HSPA4: variants seen among roughly 807,000 people sequenced by gnomAD.
HSPA4 encodes heat shock 70 kDa protein 4.
HSPA4 carries 25 observed loss-of-function variants against 106.2 expected under a neutral mutation model. The observed-to-expected ratio is 0.24, with a 90% CI of 0.17 to 0.33. HSPA4 has a LOEUF of 0.33. Among genes scored for constraint, HSPA4 ranks in the 10% least tolerant of loss-of-function variants. The pLI, the probability that HSPA4 is intolerant of heterozygous loss-of-function variation, is 1.00. For synonymous variants in HSPA4, 332 were observed against 333.6 expected (o/e 1.00, Z 0.05); for missense variants, 841 against 996.0 (o/e 0.84, Z 2.10).
intron 7 of HSPA4, among the ~76,000 whole-genome samples, chr5:133,081,478 T>C (rs945243528): frequency 5.3e-5 from 8 of 152,214 alleles, no homozygotes; most frequent in Non-Finnish European, 7.3e-5. Context: ...CTTTTTTCTT[T>C]GAAGATAACT....
intron 16 of HSPA4, 69 bp downstream of exon 16, chr5:133,099,721 G>A: frequency 2.8e-6 from 2 of 723,370 alleles, no homozygotes; most frequent in South Asian, 3.9e-5. Context: ...GCTCAAATTT[G>A]GGAGGAATTC....
chr5:133,089,407 A>G (rs1048563314), intron 10 of HSPA4, among the ~76,000 whole-genome samples, 155 bp from the exon 11 acceptor site: 3 of 152,224 alleles, frequency 2.0e-5, no homozygotes, highest in African/African-American at 7.2e-5. Flanking sequence ...CTGACTTTAT[A>G]TATAAAGATT....
chr5:133,085,032 C>T (rs1015958114), intron 7 of HSPA4, among the ~76,000 whole-genome samples: 1 of 152,054 alleles, frequency 6.6e-6, no homozygotes, highest in Admixed American at 6.6e-5. Flanking sequence ...TGGTCTTGAA[C>T]TCCTGGGCTC....
At chr5:133,067,627 G>A (rs1009191889) in intron 3 of HSPA4, 70 bp downstream of exon 3, 1 of 1,267,948 alleles carries the variant, frequency 7.9e-7, no homozygotes, top group Non-Finnish European at 1.1e-6. Context: ...ATATCTATCT[G>A]TACTTTTCTG....
At chr5:133,056,429 A>G (rs1378401607) in intron 1 of HSPA4, among the ~76,000 whole-genome samples, 1 of 152,146 alleles carries the variant, frequency 6.6e-6, no homozygotes, top group African/African-American at 2.4e-5. Context: ...ATGTGCATAC[A>G]TGCGGCTAAT....
At chr5:133,059,670 T>A (rs1022461999) in intron 1 of HSPA4, among the ~76,000 whole-genome samples, 5 of 152,086 alleles carry the variant, frequency 3.3e-5, no homozygotes, top group African/African-American at 4.8e-5. Context: ...AGTCTGATGG[T>A]CCTAATTTTG....
chr5:133,056,467 C>G (rs371367977), intron 1 of HSPA4, among the ~76,000 whole-genome samples: 3 of 152,128 alleles, frequency 2.0e-5, no homozygotes, highest in East Asian at 1.9e-4. Flanking sequence ...GACGTGGTTT[C>G]GCCATGTTGG....
At chr5:133,094,361 A>T (rs1170218700) in intron 13 of HSPA4, among the ~76,000 whole-genome samples, 1 of 152,204 alleles carries the variant, frequency 6.6e-6, no homozygotes, top group Non-Finnish European at 1.5e-5. Flanking sequence ...CATTTAAAAA[A>T]GTTGGACAGA....
At chr5:133,088,950 TAAAA>T in intron 9 of HSPA4, 101 bp from the exon 10 acceptor site, 1 of 566,524 alleles carries the variant, frequency 1.8e-6, no homozygotes, top group Admixed American at 3.4e-5. Context: ...ATAAATATTT[TAAAA>T]AGACCATTGA....
chr5:133,057,945 CTG>C (rs1765188372), intron 1 of HSPA4, among the ~76,000 whole-genome samples: 2 of 152,280 alleles, frequency 1.3e-5, no homozygotes, highest in African/African-American at 4.8e-5. Context: ...ATGGACAAGG[CTG>C]TGTGATACAG....
At chr5:133,058,495 C>T (rs981925412) in intron 1 of HSPA4, among the ~76,000 whole-genome samples, 5 of 148,584 alleles carry the variant, frequency 3.4e-5, no homozygotes, top group African/African-American at 7.4e-5. Context: ...CTGGCCAACC[C>T]GGTGAAACCT....
At chr5:133,072,572 T>A (rs1424822364) in intron 4 of HSPA4, among the ~76,000 whole-genome samples, 1 of 150,416 alleles carries the variant, frequency 6.6e-6, no homozygotes, top group African/African-American at 2.4e-5. Flanking sequence ...ATTTTTTTTT[T>A]TTTTTTGTAT....
At chr5:133,069,609 G>A (rs1343382211) in intron 3 of HSPA4, among the ~76,000 whole-genome samples, 1 of 152,150 alleles carries the variant, frequency 6.6e-6, no homozygotes, top group East Asian at 1.9e-4. Flanking sequence ...TCTAGGTGCT[G>A]GAGCTATGGC....
chr5:133,060,651 C>T (rs1227198068), intron 1 of HSPA4, among the ~76,000 whole-genome samples: 3 of 152,094 alleles, frequency 2.0e-5, no homozygotes, highest in Non-Finnish European at 4.4e-5. Flanking sequence ...CCTGAGCCAG[C>T]GCGCCTGGTG....
rs749214695 is a variant in HSPA4, at chr5:133,104,273, A to G, written c.2360A>G (p.Lys787Arg). 20 of 1,614,212 alleles carry G rather than the reference A, an allele frequency of 1.2e-5. No homozygotes were observed. Among genetic ancestry groups the G allele is most frequent in the Middle Eastern group, 3.3e-4 (2 of 6,062 alleles). ...STCSPIISKP[K>R]PKVEPPKEEQ... The stretch of plus-strand genomic sequence containing the variant: ...TGTAGCCCTATAATTTCAAAGCCCA[A>G]ACCCAAAGTGGAACCTCCAAAAGAG... Residue 787 changes from lysine (K) to arginine (R), a missense_variant, in exon 19 of 19, where the codon AAA (lysine) becomes AGA (arginine). Lys to Arg is a conservative substitution (Grantham distance 26, BLOSUM62 2). Around this residue, in one of 5 missense-constraint regions of HSPA4, gnomAD observed 328 missense variants for 372.2 expected, o/e 0.88. Transcript: ENST00000304858.
intron 6 of HSPA4, among the ~76,000 whole-genome samples, chr5:133,075,142 G>A (rs1321986813): frequency 6.6e-6 from 1 of 152,062 alleles, no homozygotes; most frequent in African/African-American, 2.4e-5. Context: ...AGGTGGTTTT[G>A]TTTTTAAATA....
chr5:133,063,670 T>C (rs1359418538), intron 1 of HSPA4, among the ~76,000 whole-genome samples: 1 of 152,140 alleles, frequency 6.6e-6, no homozygotes, highest in South Asian at 2.1e-4. Context: ...AGACCTCAGG[T>C]GATCTGCCCG....
At chr5:133,090,714 C>G (rs1027001736) in intron 11 of HSPA4, among the ~76,000 whole-genome samples, 2 of 151,924 alleles carry the variant, frequency 1.3e-5, no homozygotes, top group Non-Finnish European at 2.9e-5. Flanking sequence ...TCTGTAAAAC[C>G]AGGAATAACA....
Position 133,096,206 on chromosome 5 carries a change from T to C in HSPA4, c.1759T>C (p.Trp587Arg), listed in dbSNP as rs752253193. The C allele has an allele frequency of 6.8e-6, 11 of 1,614,012 alleles. No homozygotes were observed. Among genetic ancestry groups the C allele is most frequent in the Middle Eastern group, 1.6e-4 (1 of 6,062 alleles). Residue 587 changes from tryptophan (W) to arginine (R), a missense_variant, in exon 14 of 19, where the codon TGG becomes CGG. By Grantham distance (101) the Trp-to-Arg change is moderately radical. This residue lies in a region of HSPA4 where 328 missense variants were observed against 372.2 expected (regional missense o/e 0.88). Coordinates refer to ENST00000304858, the MANE Select transcript of HSPA4 (RefSeq NM_002154.4). ...VDLPIENQLL[W>R]QIDREMLNLY... Reference sequence around the variant, plus strand: ...CCTGCCAATCGAGAATCAGCTATTATGGCAGATAGACAGAGAGATGCTCAA... The same window carrying C: ...CCTGCCAATCGAGAATCAGCTATTACGGCAGATAGACAGAGAGATGCTCAA...
Sources: allele counts gnomAD v4.1 joint callset (sites outside exome capture counted in the v4.1 genomes callset), GRCh38; gene constraint gnomAD v4.1.1; regional missense constraint gnomAD v4.1.1; transcripts MANE v1.5; gene names NCBI Gene and HGNC (gene_info 2026-07-23, HGNC 2026-07-21).